Variants in SHLD2 observed in about 807,000 individuals in gnomAD.
SHLD2 encodes shieldin complex subunit 2.
In SHLD2, 30 loss-of-function variants were observed where a neutral mutation model predicts 73.2. The ratio of observed to expected loss-of-function variants is 0.41; its 90% confidence interval spans 0.31 to 0.56. The LOEUF is 0.56. SHLD2 is among the 20% of genes least tolerant of loss of function. The probability of loss-of-function intolerance (pLI) is 0.28; values close to 1 mark genes in which losing one functional copy is unlikely to be tolerated. For missense variants in SHLD2, 745 were observed against 1,055.9 expected, an observed-to-expected ratio of 0.71 and a Z score of 4.08; for synonymous variants, 285 against 370.1, an observed-to-expected ratio of 0.77 and a Z score of 2.64.
intron 4 of SHLD2, among the ~76,000 whole-genome samples, chr10:87,163,966 T>C (rs4934307): frequency 7.0e-6 from 1 of 142,708 alleles, no homozygotes; most frequent in African/African-American, 2.6e-5. Flanking sequence ...CTTTTCTTTT[T>C]TTTTTTTTTG....
intron 2 of SHLD2, among the ~76,000 whole-genome samples, chr10:87,106,265 A>T (rs998045557): frequency 6.6e-6 from 1 of 152,228 alleles, no homozygotes; most frequent in African/African-American, 2.4e-5. Context: ...TCAGCCTCCC[A>T]AAGTGTTGGG....
intron 4 of SHLD2, among the ~76,000 whole-genome samples, chr10:87,165,408 A>G (rs1847127566): frequency 6.6e-6 from 1 of 152,178 alleles, no homozygotes; most frequent in East Asian, 1.9e-4. Flanking sequence ...TCAGACACCA[A>G]GTTAACTGAG....
chr10:87,172,207 A>C (rs1221319820), intron 6 of SHLD2, among the ~76,000 whole-genome samples: 4 of 152,166 alleles, frequency 2.6e-5, no homozygotes, highest in African/African-American at 9.7e-5. Flanking sequence ...ATCTACTTCA[A>C]TACCTCACAT....
intron 8 of SHLD2, among the ~76,000 whole-genome samples, chr10:87,182,471 T>C (rs975681863): frequency 6.6e-6 from 1 of 152,252 alleles, no homozygotes; most frequent in African/African-American, 2.4e-5. Flanking sequence ...CAACATTAGA[T>C]ATTGCATTGG....
chr10:87,105,729 A>C (rs962360282), intron 2 of SHLD2, among the ~76,000 whole-genome samples: 4 of 152,246 alleles, frequency 2.6e-5, no homozygotes, highest in Non-Finnish European at 5.9e-5. Flanking sequence ...GGGCTTCAGC[A>C]GTTCCAGAGG....
intron 2 of SHLD2, among the ~76,000 whole-genome samples, chr10:87,100,334 C>G (rs1842182908): frequency 6.6e-6 from 1 of 152,138 alleles, no homozygotes; most frequent in African/African-American, 2.4e-5. Context: ...TTCATTTGCT[C>G]AAAAGACTAT....
intron 2 of SHLD2, among the ~76,000 whole-genome samples, chr10:87,127,466 C>T (rs1844086083): frequency 7.2e-6 from 1 of 138,418 alleles, no homozygotes. Flanking sequence ...TAATTCTTTA[C>T]TAGTTGTTTT....
intron 2 of SHLD2, among the ~76,000 whole-genome samples, chr10:87,129,299 C>T (rs182656893): frequency 2.0e-5 from 3 of 152,266 alleles, no homozygotes; most frequent in African/African-American, 7.2e-5. Flanking sequence ...CCATGTTGGG[C>T]AGGCTGGTCT....
At chr10:87,135,145 T>A (rs1330994820) in intron 2 of SHLD2, among the ~76,000 whole-genome samples, 1 of 151,886 alleles carries the variant, frequency 6.6e-6, no homozygotes, top group Non-Finnish European at 1.5e-5. Flanking sequence ...TTATTTAATT[T>A]ATTTTTTTTT....
chr10:87,179,427 A>G (rs1419936591), intron 7 of SHLD2, among the ~76,000 whole-genome samples: 5 of 147,934 alleles, frequency 3.4e-5, no homozygotes, highest in Admixed American at 6.7e-5. Flanking sequence ...TTTGAGACGG[A>G]GTCTTGCTCT....
chr10:87,100,474 C>T (rs1358693476), intron 2 of SHLD2, among the ~76,000 whole-genome samples: 5 of 150,414 alleles, frequency 3.3e-5, no homozygotes, highest in South Asian at 2.1e-4. Context: ...GTCTTGATTA[C>T]GCCAGTTTTT....
At chr10:87,161,230 C>T (rs1297913337) in intron 4 of SHLD2, among the ~76,000 whole-genome samples, 1 of 151,676 alleles carries the variant, frequency 6.6e-6, no homozygotes, top group Non-Finnish European at 1.5e-5. Flanking sequence ...AGTGGGTGGA[C>T]AGCTTGAGCC....
intron 2 of SHLD2, among the ~76,000 whole-genome samples, chr10:87,111,790 T>G (rs1449289437): frequency 1.3e-5 from 2 of 150,758 alleles, no homozygotes; most frequent in East Asian, 4.1e-4. Context: ...AATTAAAAAC[T>G]TCTATGTTTC....
intron 2 of SHLD2, among the ~76,000 whole-genome samples, chr10:87,129,788 CTT>C (rs1844298332): frequency 6.6e-6 from 1 of 151,496 alleles, no homozygotes; most frequent in Non-Finnish European, 1.5e-5. Flanking sequence ...ACCTAGCTAA[CTT>C]TTTTGATTTT....
chr10:87,129,078 GT>G lies in SHLD2; in HGVS notation c.-5-22265del, dbSNP rs571686422. Among the ~76,000 whole-genome samples, 847 of 149,118 alleles carry G rather than the reference GT, an allele frequency of 5.7e-3. 13 individuals carry two copies. The highest frequency in any genetic ancestry group is 0.02 in the African/African-American group (808 of 40,466). The stretch of plus-strand genomic sequence containing the variant: ...GCATCACCACGCCAAGCCAATTTTT[GT>G]TTTTTTGTTTTGTTTTGTTTTGTTT... On this transcript the variant is annotated intron_variant, in intron 2 of 9. Transcript: ENST00000298786.
At chr10:87,128,582 A>G (rs1294848755) in intron 2 of SHLD2, among the ~76,000 whole-genome samples, 2 of 152,096 alleles carry the variant, frequency 1.3e-5, no homozygotes, top group African/African-American at 4.8e-5. Flanking sequence ...TTTTTTGAAA[A>G]CACTTTATTT....
intron 2 of SHLD2, among the ~76,000 whole-genome samples, chr10:87,147,616 G>A (rs1362574805): frequency 3.9e-5 from 6 of 151,972 alleles, no homozygotes; most frequent in African/African-American, 1.5e-4. Flanking sequence ...TAGTAGGCCT[G>A]TCCCTTGGGT....
At chr10:87,113,401 A>G (rs1344885233) in intron 2 of SHLD2, among the ~76,000 whole-genome samples, 1 of 152,254 alleles carries the variant, frequency 6.6e-6, no homozygotes, top group Non-Finnish European at 1.5e-5. Context: ...GGAGTGAAGT[A>G]CAGATTCATG....
chr10:87,151,537 C>A lies in SHLD2; in HGVS notation c.183C>A (p.Asn61Lys). 6.2e-7 allele frequency: 1 copy of A among 1,611,216 alleles called. No individual in the cohort carries two copies. Among genetic ancestry groups the A allele is most frequent in the Non-Finnish European group, 8.5e-7 (1 of 1,179,642 alleles). The change falls in exon 3 of 10, where the codon AAC becomes AAA. Residue 61 changes from asparagine (N) to lysine (K), a missense_variant. By Grantham distance (94) the Asn-to-Lys change is moderately conservative. Around this residue, in one of 5 missense-constraint regions of SHLD2, gnomAD observed 280 missense variants for 353.9 expected, o/e 0.79. Coordinates refer to ENST00000298786, the MANE Select transcript of SHLD2 (RefSeq NM_001330112.2). ...KDEKQHKNLENYKVPESIGSP... is the reference protein window; with the variant it reads ...KDEKQHKNLEKYKVPESIGSP... ...AAAAACAGCACAAAAATCTTGAAAACTATAAAGTCCCAGAATCTATTGGTT... is the reference window on the plus strand; with the variant it reads ...AAAAACAGCACAAAAATCTTGAAAAATATAAAGTCCCAGAATCTATTGGTT...
Sources: allele counts gnomAD v4.1 joint callset (sites outside exome capture counted in the v4.1 genomes callset), GRCh38; gene constraint gnomAD v4.1.1; regional missense constraint gnomAD v4.1.1; transcripts MANE v1.5; gene names NCBI Gene and HGNC (gene_info 2026-07-23, HGNC 2026-07-21).